The following ANKRD28 variants were observed in gnomAD, a reference collection of about 807,000 sequenced individuals.
ANKRD28 encodes serine/threonine-protein phosphatase 6 regulatory ankyrin repeat subunit A.
ANKRD28 carries 44 observed loss-of-function variants against 126.5 expected under a neutral mutation model. The ratio of observed to expected loss-of-function variants is 0.35; its 90% CI spans 0.27 to 0.45. The LOEUF is 0.45. ANKRD28 is among the 20% of genes least tolerant of loss of function. ANKRD28 has a pLI of 1.00. For synonymous variants in ANKRD28, 442 were observed against 468.5 expected, an observed-to-expected ratio of 0.94 and a Z score of 0.73; for missense variants, 1,110 against 1,316.6, an observed-to-expected ratio of 0.84 and a Z score of 2.43.
intron 3 of ANKRD28, among the ~76,000 whole-genome samples, chr3:15,764,206 G>A (rs762930847): frequency 2.3e-4 from 35 of 152,190 alleles, no homozygotes; most frequent in Non-Finnish European, 4.3e-4. Context: ...GCGACAGAGC[G>A]AGATTCTGTC....
chr3:15,713,028 A>C (rs1195812130), intron 10 of ANKRD28, among the ~76,000 whole-genome samples: 1 of 152,220 alleles, frequency 6.6e-6, no homozygotes, highest in Admixed American at 6.5e-5. Flanking sequence ...TCTTTCAAAC[A>C]AAATATTACA....
chr3:15,851,124 T>C (rs191736062), intron 1 of ANKRD28, among the ~76,000 whole-genome samples: 85 of 152,312 alleles, frequency 5.6e-4, no homozygotes, highest in African/African-American at 1.9e-3. Context: ...GAAACTGGGT[T>C]TGTTTTTTCC....
At chr3:15,751,856 T>C in intron 3 of ANKRD28, 36 bp from the exon 4 acceptor site, 4 of 1,339,020 alleles carry the variant, frequency 3.0e-6, no homozygotes, top group Non-Finnish European at 4.1e-6. Context: ...TGAAATATTG[T>C]ACATAAAATA....
At chr3:15,744,040 G>A (rs2057307599) in intron 4 of ANKRD28, among the ~76,000 whole-genome samples, 1 of 152,140 alleles carries the variant, frequency 6.6e-6, no homozygotes, top group South Asian at 2.1e-4. Flanking sequence ...TCTTTCTGTG[G>A]CCATAGCTAT....
At chr3:15,763,535 A>G (rs1387696183) in intron 3 of ANKRD28, among the ~76,000 whole-genome samples, 13 of 152,220 alleles carry the variant, frequency 8.5e-5, no homozygotes, top group Non-Finnish European at 1.5e-5. Context: ...AACAATAAAC[A>G]CTAGGAGAAA....
chr3:15,858,163 C>G (rs998761612), intron 1 of ANKRD28, among the ~76,000 whole-genome samples: 3 of 152,216 alleles, frequency 2.0e-5, no homozygotes, highest in African/African-American at 7.2e-5. Context: ...GCTAGCAAAA[C>G]TATGGAACTT....
At chr3:15,810,289 G>A (rs907133495) in intron 1 of ANKRD28, among the ~76,000 whole-genome samples, 5 of 151,658 alleles carry the variant, frequency 3.3e-5, no homozygotes, top group Non-Finnish European at 7.4e-5. Context: ...AAAAAAACTT[G>A]CCAACAGCTA....
Position 15,675,906 on chromosome 3 carries a change from T to C in ANKRD28, c.2957A>G (p.Asp986Gly), listed in dbSNP as rs781206249. 1 of 1,608,632 alleles carries C rather than the reference T, an allele frequency of 6.2e-7. No homozygotes were observed. The highest frequency in any genetic ancestry group is 8.5e-7 in the Non-Finnish European group (1 of 1,176,178). ...LGKGASVLAVDENGYTPALAC... is the reference protein window; with the variant it reads ...LGKGASVLAVGENGYTPALAC... ...ATATAGAACCAACTTACCATTTTCA[T>C]CTACTGCAAGCACACTTGCTCCTTT... The change falls in exon 27 of 28, where the codon GAT (aspartate) becomes GGT (glycine). Residue 986 changes from aspartate (D) to glycine (G), a missense_variant. Transcript: ENST00000683139.
intron 2 of ANKRD28, among the ~76,000 whole-genome samples, chr3:15,794,228 AG>A (rs2060170979): frequency 6.6e-6 from 1 of 152,220 alleles, no homozygotes; most frequent in African/African-American, 2.4e-5. Flanking sequence ...CAACAGTTTT[AG>A]CCAATGATTC....
intron 2 of ANKRD28, among the ~76,000 whole-genome samples, chr3:15,789,437 TA>T (rs145398421): frequency 4.7e-5 from 7 of 148,248 alleles, no homozygotes; most frequent in African/African-American, 4.9e-5. Flanking sequence ...CTCCTTTTTT[TA>T]AAAAAAAAAG....
At chr3:15,763,809 T>G (rs186303758) in intron 3 of ANKRD28, among the ~76,000 whole-genome samples, 1 of 152,278 alleles carries the variant, frequency 6.6e-6, no homozygotes, top group East Asian at 1.9e-4. Flanking sequence ...CTAAGGCCAA[T>G]GTAAAAACTT....
chr3:15,707,825 A>G, intron 14 of ANKRD28, 99 bp downstream of exon 14: 1 of 1,413,746 alleles, frequency 7.1e-7, no homozygotes, highest in Non-Finnish European at 9.6e-7. Context: ...TCAACAAAAA[A>G]TACAAAGAGG....
chr3:15,793,495 T>C (rs990589559), intron 2 of ANKRD28, among the ~76,000 whole-genome samples: 4 of 152,152 alleles, frequency 2.6e-5, no homozygotes, highest in East Asian at 1.9e-4. Context: ...TTAGGATAAA[T>C]TGATTAAATA....
chr3:15,841,095 C>T (rs113514342), intron 1 of ANKRD28, among the ~76,000 whole-genome samples: 6,349 of 152,130 alleles, frequency 0.042, 457 homozygotes, highest in African/African-American at 0.14. Flanking sequence ...CCGAGATCCG[C>T]GCCACTGCAC....
chr3:15,806,847 C>T (rs1416543261), intron 1 of ANKRD28, among the ~76,000 whole-genome samples: 1 of 152,128 alleles, frequency 6.6e-6, no homozygotes, highest in Non-Finnish European at 1.5e-5. Flanking sequence ...ATGGGCCTTC[C>T]ACCAGTGTCT....
At chr3:15,800,525 T>C (rs534484292), upstream of ANKRD28, among the ~76,000 whole-genome samples, 1 of 152,238 alleles carries the variant, frequency 6.6e-6, no homozygotes, top group African/African-American at 2.4e-5. Flanking sequence ...AAACTCCTCC[T>C]CCTCTTGACC....
At chr3:15,774,474 T>C (rs1353506268) in intron 2 of ANKRD28, among the ~76,000 whole-genome samples, 1 of 152,114 alleles carries the variant, frequency 6.6e-6, no homozygotes, top group Non-Finnish European at 1.5e-5. Context: ...TGGTACCTAT[T>C]TGGAAAAGAA....
chr3:15,776,365 A>G (rs1159345170), intron 2 of ANKRD28, among the ~76,000 whole-genome samples: 1 of 152,220 alleles, frequency 6.6e-6, no homozygotes, highest in Non-Finnish European at 1.5e-5. Context: ...AAAATGTGAA[A>G]CAACCCAATT....
At chr3:15,683,847 T>C (rs1027841158) in intron 21 of ANKRD28, 3 of 152,224 alleles carry the variant, frequency 2.0e-5, no homozygotes, top group Non-Finnish European at 2.9e-5. Context: ...GAAAGAACTA[T>C]GAAACAGCAT....
Sources: gnomAD v4.1 joint callset for allele counts (sites outside exome capture counted in the v4.1 genomes callset) on GRCh38, gnomAD v4.1.1 for gene constraint, MANE v1.5 for transcripts, NCBI Gene and HGNC (gene_info 2026-07-23, HGNC 2026-07-21) for gene names.